The following TMEM255A variants were observed in gnomAD, a reference collection of about 807,000 sequenced individuals.
TMEM255A encodes transmembrane protein 255A, also known as family with sequence similarity 70, member A.
In TMEM255A, 14 loss-of-function variants were observed where a neutral mutation model predicts 23.5. The observed-to-expected ratio is 0.60, with a 90% CI of 0.39 to 0.93. The LOEUF is 0.93. Ranked by LOEUF, TMEM255A falls within the 40% of genes least tolerant of loss-of-function variation. The pLI, the probability that TMEM255A is intolerant of heterozygous loss-of-function variation, is 0.00. For missense variants in TMEM255A, 233 were observed against 261.7 expected (o/e 0.89, Z 0.76); for synonymous variants, 104 against 100.3 (o/e 1.04, Z -0.22).
At chrX:120,262,553 C>T (rs2057687229) in intron 8 of TMEM255A, among the ~76,000 whole-genome samples, 1 of 111,421 alleles carries the variant, frequency 9.0e-6, no homozygotes, top group Admixed American at 9.5e-5. Context: ...AATTTTCCTC[C>T]TCCCTCCAAG....
rs200763867 is a variant in TMEM255A, at chrX:120,287,113, T to C, written c.423+41A>G. 1,459 of 1,132,767 alleles carry C rather than the reference T, an allele frequency of 1.3e-3. 3 individuals carry two copies. The highest frequency in any genetic ancestry group is 1.2e-3 in the Non-Finnish European group (1,005 of 825,200). 93.4% of individuals were successfully genotyped at this position (1,132,767 alleles called of 1,213,427 possible). On this transcript the variant is annotated intron_variant, in intron 5 of 8. Transcript: ENST00000371369. ...GGGTGTTTCAGGCAGAACAGGGGAC[T>C]TTCCCAGGAGGTAAAGACATGCAGC...
intron 6 of TMEM255A, 140 bp from the exon 7 acceptor site, chrX:120,277,187 A>T (rs1333248656): frequency 4.4e-6 from 2 of 457,972 alleles, no homozygotes; most frequent in East Asian, 7.6e-5. Context: ...AGTAAGAGAC[A>T]TCATAGCCAT....
chrX:120,261,045 A>G lies in TMEM255A; in HGVS notation c.820-17T>C. The G allele has an allele frequency of 8.4e-7, 1 of 1,184,419 alleles. No individual in the cohort carries two copies. Among genetic ancestry groups the G allele is most frequent in the Non-Finnish European group, 1.1e-6 (1 of 886,358 alleles). Reference sequence around the variant, plus strand: ...ACCGGAATGCTGTGTGATAAAAAGAAAACGTTAGTTTAGGCAGTGAGTTTG... The same window carrying G: ...ACCGGAATGCTGTGTGATAAAAAGAGAACGTTAGTTTAGGCAGTGAGTTTG... On this transcript the variant is annotated splice_polypyrimidine_tract_variant and intron_variant, in intron 8 of 8. Coordinates refer to ENST00000371369, the MANE Select transcript of TMEM255A (RefSeq NM_001104544.3).
chrX:120,281,401 C>G (rs782546142), intron 6 of TMEM255A, among the ~76,000 whole-genome samples: 2 of 112,039 alleles, frequency 1.8e-5, no homozygotes, highest in Non-Finnish European at 3.8e-5. Context: ...AGCAGAAGAT[C>G]TTAGATAAGG....
At chrX:120,305,139 G>A (rs918303025) in intron 1 of TMEM255A, among the ~76,000 whole-genome samples, 2 of 111,145 alleles carry the variant, frequency 1.8e-5, no homozygotes, top group South Asian at 3.8e-4. Context: ...AGTTAGGTGG[G>A]GAGGATTATA....
chrX:120,254,248 C>G (rs782085862), downstream of TMEM255A: 1 of 1,211,745 alleles, frequency 8.3e-7, no homozygotes, highest in Admixed American at 2.2e-5. Context: ...CATCTGACTC[C>G]CAATATTATT....
intron 1 of TMEM255A, among the ~76,000 whole-genome samples, chrX:120,308,415 C>T (rs2058077851): frequency 8.9e-6 from 1 of 112,183 alleles, no homozygotes; most frequent in East Asian, 2.8e-4. Flanking sequence ...CTGTCCTGTA[C>T]ACGGTGTTGT....
downstream of TMEM255A, chrX:120,255,414 A>G (rs1556015277): frequency 8.3e-7 from 1 of 1,204,440 alleles, no homozygotes; most frequent in Admixed American, 2.2e-5. Context: ...GTTTGAATTT[A>G]TAATACCAGA....
At chrX:120,291,183 G>A (rs1556022846) in intron 4 of TMEM255A, 68 bp downstream of exon 4, 8 of 845,642 alleles carry the variant, frequency 9.5e-6, no homozygotes, top group Non-Finnish European at 1.4e-5. Flanking sequence ...ACTGAACATC[G>A]AGCACACATT....
chrX:120,281,348 GA>G (rs2057836115), intron 6 of TMEM255A, among the ~76,000 whole-genome samples: 2 of 112,083 alleles, frequency 1.8e-5, no homozygotes, highest in Admixed American at 9.4e-5. Context: ...TAGAGAAACG[GA>G]TAAGTTCTCT....
chrX:120,284,099 C>T (rs1033087453), intron 6 of TMEM255A, among the ~76,000 whole-genome samples: 7 of 111,392 alleles, frequency 6.3e-5, no homozygotes, highest in Admixed American at 2.9e-4. Flanking sequence ...ACTTTTCCCT[C>T]CCGGCAAACT....
chrX:120,296,456 T>TCTATTCTATTCTATTCTA (rs1569339313), intron 2 of TMEM255A, among the ~76,000 whole-genome samples: 1 of 102,167 alleles, frequency 9.8e-6, no homozygotes, highest in African/African-American at 3.6e-5. Context: ...TGCATTCAGT[T>TCTATTCTATTCTATTCTA]TTCTGACGTT....
chrX:120,291,566 C>A (rs1163231686), intron 3 of TMEM255A, among the ~76,000 whole-genome samples: 1 of 103,693 alleles, frequency 9.6e-6, no homozygotes, highest in African/African-American at 3.6e-5. Context: ...CTAAGAAATT[C>A]ACTCTGTGAG....
chrX:120,284,845 G>A (rs1204995593), intron 6 of TMEM255A, among the ~76,000 whole-genome samples: 3 of 111,248 alleles, frequency 2.7e-5, no homozygotes, highest in African/African-American at 9.8e-5. Context: ...GTGTAACCTT[G>A]GGCTAGTTGT....
chrX:120,304,728 T>C (rs2058053723), intron 1 of TMEM255A, among the ~76,000 whole-genome samples: 1 of 111,364 alleles, frequency 9.0e-6, no homozygotes, highest in Admixed American at 9.5e-5. Context: ...ACAGAAGAAA[T>C]TTCACCAGTT....
rs191621505 is a variant in TMEM255A at position 120,265,778 on chromosome X, G to T, written c.819+2466C>A. 1.2e-3 allele frequency among the ~76,000 whole-genome samples: 135 copies of T among 111,420 alleles called. 1 individual carries two copies. Among genetic ancestry groups the T allele is most frequent in the Admixed American group, 3.2e-3 (34 of 10,550 alleles). ...CTCTTAAAGAGGTAAATGATTGAAT[G>T]ATGATATATGTAAAGCACTTAGCAC... On this transcript the variant is annotated intron_variant, in intron 8 of 8. Coordinates refer to ENST00000371369, the MANE Select transcript of TMEM255A (RefSeq NM_001104544.3).
chrX:120,255,691 G>A (rs2057633805), downstream of TMEM255A: 2 of 304,941 alleles, frequency 6.6e-6, no homozygotes, highest in Non-Finnish European at 1.2e-5. Context: ...TTAAAAGCTT[G>A]GAGAGATAGT....
chrX:120,257,365 C>T (rs782428185), downstream of TMEM255A: 199 of 122,961 alleles, frequency 1.6e-3, no homozygotes, highest in Non-Finnish European at 2.8e-3. Context: ...ATAATTACTT[C>T]TACCGATGTG....
intron 2 of TMEM255A, among the ~76,000 whole-genome samples, chrX:120,295,486 C>A (rs2057948225): frequency 9.0e-6 from 1 of 111,533 alleles, no homozygotes; most frequent in Non-Finnish European, 1.9e-5. Flanking sequence ...ACTCAGACAG[C>A]AATGTCTCTT....
Sources: gnomAD v4.1 joint callset for allele counts (sites outside exome capture counted in the v4.1 genomes callset) on GRCh38, gnomAD v4.1.1 for gene constraint, MANE v1.5 for transcripts, NCBI Gene and HGNC (gene_info 2026-07-23, HGNC 2026-07-21) for gene names.